Variants in CREBRF observed in about 807,000 individuals in gnomAD.
CREBRF encodes the protein UPF0474 protein C5orf41.
In CREBRF, 5 loss-of-function variants were observed where a neutral mutation model predicts 66.1. The observed-to-expected ratio is 0.08, with a 90% CI of 0.04 to 0.16. The LOEUF is 0.16. CREBRF is among the 10% of genes least tolerant of loss of function. CREBRF has a pLI of 1.00. For synonymous variants in CREBRF, 229 were observed against 264.4 expected (o/e 0.87, Z 1.30); for missense variants, 531 against 744.9 (o/e 0.71, Z 3.34).
chr5:173,137,475 G>C lies in CREBRF; in HGVS notation c.*3730G>C, dbSNP rs894224022. ...TGCATTTCTCATACATCTTCTTTCT[G>C]ATGCTTGACTTTATTTGCTTCCTAG... On this transcript the variant is annotated 3_prime_UTR_variant, in exon 9 of 9. Coordinates refer to ENST00000296953, the MANE Select transcript of CREBRF (RefSeq NM_153607.3). 1.3e-5 allele frequency: 2 copies of C among 151,904 alleles called. No individual in the cohort carries two copies. Among genetic ancestry groups the C allele is most frequent in the African/African-American group, 4.8e-5 (2 of 41,384 alleles). 9.4% of individuals were successfully genotyped at this position (151,904 alleles called of 1,614,324 possible). A position where few individuals can be genotyped will look rare whatever the true frequency, so the allele number is the denominator to read the frequency against.
chr5:173,058,258 G>A (rs1182384977), intron 1 of CREBRF, among the ~76,000 whole-genome samples: 2 of 152,088 alleles, frequency 1.3e-5, no homozygotes, highest in East Asian at 3.8e-4. Flanking sequence ...CTTGTTAAAT[G>A]CTTAATTTAG....
At chr5:173,121,821 T>G (rs546785743) in intron 7 of CREBRF, among the ~76,000 whole-genome samples, 1 of 152,312 alleles carries the variant, frequency 6.6e-6, no homozygotes, top group South Asian at 2.1e-4. Context: ...TTAGTGGACA[T>G]CGATGCATGT....
rs1174247686 is a variant in CREBRF at position 173,090,766 on chromosome 5, C to G, written c.587C>G (p.Pro196Arg). 1 of 1,614,148 alleles carries G rather than the reference C, an allele frequency of 6.2e-7. No individual in the cohort carries two copies. Among genetic ancestry groups the G allele is most frequent in the South Asian group, 1.1e-5 (1 of 91,084 alleles). The change falls in exon 4 of 9, where the codon CCT (proline) becomes CGT (arginine). Residue 196 changes from proline (P) to arginine (R), a missense_variant. Pro to Arg is a moderately radical substitution (Grantham distance 103). This residue lies in a region of CREBRF where 309 missense variants were observed against 341.4 expected (regional missense o/e 0.90). Coordinates refer to ENST00000296953, the MANE Select transcript of CREBRF (RefSeq NM_153607.3). This position sits in a 1 kb window ranked among gnomAD's most constrained non-coding sequence, Gnocchi z 4.5. ...TCTAAGACTCTGCAGGCTGAGGTCC[C>G]TTTGTCAGACTGTGTCCAAAAAGCA... Reference protein sequence around the residue: ...CSSKTLQAEVPLSDCVQKASK... With the variant: ...CSSKTLQAEVRLSDCVQKASK...
intron 1 of CREBRF, among the ~76,000 whole-genome samples, chr5:173,074,090 T>G (rs1407239494): frequency 6.6e-6 from 1 of 151,006 alleles, no homozygotes; most frequent in Non-Finnish European, 1.5e-5. Context: ...ATCACCGGAG[T>G]TCAGGAGTTT....
chr5:173,065,646 T>C (rs1177425873), intron 1 of CREBRF, among the ~76,000 whole-genome samples: 1 of 141,052 alleles, frequency 7.1e-6, no homozygotes, highest in Non-Finnish European at 1.5e-5. Flanking sequence ...TCTTTCCTTT[T>C]CTTTTCCTTT....
At chr5:173,082,782 A>C (rs1757996804) in intron 2 of CREBRF, among the ~76,000 whole-genome samples, 1 of 150,884 alleles carries the variant, frequency 6.6e-6, no homozygotes, top group East Asian at 2.0e-4. Context: ...GGTGGTGCGT[A>C]CCTGTAGTCC....
At chr5:173,107,358 A>G (rs1758772643) in intron 4 of CREBRF, among the ~76,000 whole-genome samples, 3 of 152,148 alleles carry the variant, frequency 2.0e-5, no homozygotes, top group Admixed American at 2.0e-4. Context: ...AATGATCTGG[A>G]GTACATCAGA....
chr5:173,133,296 A>T lies in CREBRF; in HGVS notation c.1805-334A>T, dbSNP rs527940705. ...AGACTGGCTGAGAGAACAGGGAAAA[A>T]CCAGGGCGTGGGAAGCAGTGCCTGT... On this transcript the variant is annotated intron_variant, in intron 8 of 8. Transcript: ENST00000296953. Among the ~76,000 whole-genome samples the T allele has an allele frequency of 1.9e-4, 29 of 152,206 alleles. No individual in the cohort carries two copies. The South Asian group carries it at 3.9e-3, about 21-fold the overall frequency.
In CREBRF at chr5:173,135,571, A is replaced by G. The variant is rs1314714247; in HGVS notation, c.*1826A>G. 1 of 152,354 alleles carries G rather than the reference A, an allele frequency of 6.6e-6. No individual in the cohort carries two copies. Among genetic ancestry groups the G allele is most frequent in the African/African-American group, 2.4e-5 (1 of 41,452 alleles). The allele number at this position is 152,354 out of a possible 1,614,324, so 9.4% of individuals were successfully genotyped here. Reference sequence around the variant, plus strand: ...GAAAAAAATACCAAAAATTTCAGGCATAGCTGCTGGAAAAATTATCTATTT... The same window carrying G: ...GAAAAAAATACCAAAAATTTCAGGCGTAGCTGCTGGAAAAATTATCTATTT... On this transcript the variant is annotated 3_prime_UTR_variant, in exon 9 of 9. Coordinates refer to ENST00000296953, the MANE Select transcript of CREBRF (RefSeq NM_153607.3).
At chr5:173,126,392 T>TGGCCTCCCAAAGTATTGGGATTACA (rs1759275948) in intron 8 of CREBRF, among the ~76,000 whole-genome samples, 2 of 152,202 alleles carry the variant, frequency 1.3e-5, no homozygotes, top group African/African-American at 4.8e-5. Flanking sequence ...CTGCCCGCCT[T>TGGCCTCCCAAAGTATTGGGATTACA]GGCCTCCCAA....
At chr5:173,056,703 C>A (rs1349064024) in intron 1 of CREBRF, among the ~76,000 whole-genome samples, 1 of 151,898 alleles carries the variant, frequency 6.6e-6, no homozygotes, top group Admixed American at 6.6e-5. Flanking sequence ...ACCCCCGGCC[C>A]GGGACGGTTA....
chr5:173,093,612 G>A (rs954178931), intron 4 of CREBRF, among the ~76,000 whole-genome samples: 1 of 152,128 alleles, frequency 6.6e-6, no homozygotes, highest in Non-Finnish European at 1.5e-5. Flanking sequence ...TGCTTCCCTG[G>A]CTCAAGCCAC....
chr5:173,099,776 G>A (rs1302528409), intron 4 of CREBRF, among the ~76,000 whole-genome samples: 3 of 151,412 alleles, frequency 2.0e-5, no homozygotes, highest in African/African-American at 7.3e-5. Context: ...TTTTTAAGCT[G>A]GTAATAGTTT....
At chr5:173,092,349 A>T in intron 4 of CREBRF, 1 of 985,160 alleles carries the variant, frequency 1.0e-6, no homozygotes, top group Non-Finnish European at 1.2e-6. Flanking sequence ...TGCTTTATTT[A>T]TATACAGCGC....
At chr5:173,075,764 C>T (rs1014346287) in intron 1 of CREBRF, among the ~76,000 whole-genome samples, 2 of 152,032 alleles carry the variant, frequency 1.3e-5, no homozygotes, top group African/African-American at 2.4e-5. Flanking sequence ...TCCTTTCCCA[C>T]CTCCCTGTCC....
At chr5:173,071,694 G>A (rs1238926623) in intron 1 of CREBRF, among the ~76,000 whole-genome samples, 1 of 152,036 alleles carries the variant, frequency 6.6e-6, no homozygotes, top group Non-Finnish European at 1.5e-5. Context: ...GGGAGTTGCT[G>A]ATGACTTTGG....
chr5:173,074,137 T>TA (rs1293546876), intron 1 of CREBRF, among the ~76,000 whole-genome samples: 1 of 151,886 alleles, frequency 6.6e-6, no homozygotes, highest in Non-Finnish European at 1.5e-5. Context: ...AACCCACCTC[T>TA]ACTAAAAATA....
At chr5:173,109,194 T>G (rs987016541) in intron 5 of CREBRF, 2 of 169,960 alleles carry the variant, frequency 1.2e-5, no homozygotes, top group African/African-American at 4.8e-5. Context: ...TCCCCAGATG[T>G]AAATGGGGGG....
intron 8 of CREBRF, among the ~76,000 whole-genome samples, chr5:173,130,669 G>A (rs1759402561): frequency 6.6e-6 from 1 of 151,838 alleles, no homozygotes; most frequent in African/African-American, 2.4e-5. Context: ...GACTACAGAT[G>A]TGCGCCACCA....
Sources: allele counts gnomAD v4.1 joint callset (sites outside exome capture counted in the v4.1 genomes callset), GRCh38; gene constraint gnomAD v4.1.1; regional missense constraint gnomAD v4.1.1; non-coding constraint Gnocchi (gnomAD v3.1); transcripts MANE v1.5; gene names NCBI Gene and HGNC (gene_info 2026-07-23, HGNC 2026-07-21).